The following ROR1 variants were observed in gnomAD, a reference collection of about 807,000 sequenced individuals.
ROR1 encodes ROR family WNT receptor 1, also known as inactive tyrosine-protein kinase transmembrane receptor ROR1.
ROR1 carries 19 observed loss-of-function variants against 78.8 expected under a neutral mutation model. That is an observed-to-expected ratio of 0.24 (90% CI 0.17 to 0.35). ROR1 has a LOEUF of 0.35. Among genes scored for constraint, ROR1 ranks in the 10% least tolerant of loss-of-function variants. The pLI is 1.00. For synonymous variants in ROR1, 386 were observed against 433.6 expected, an observed-to-expected ratio of 0.89 and a Z score of 1.36; for missense variants, 917 against 1,177.8, an observed-to-expected ratio of 0.78 and a Z score of 3.24.
At chr1:63,796,824 G>A (rs375914593) in intron 1 of ROR1, among the ~76,000 whole-genome samples, 7 of 152,276 alleles carry the variant, frequency 4.6e-5, no homozygotes, top group East Asian at 3.9e-4. Flanking sequence ...GCAATGCACC[G>A]AGCCCTGAGC....
chr1:64,017,409 A>G (rs1646529834), intron 2 of ROR1, among the ~76,000 whole-genome samples: 1 of 152,048 alleles, frequency 6.6e-6, no homozygotes, highest in African/African-American at 2.4e-5. Flanking sequence ...CCTTTTTGAC[A>G]AGTCTATTCA....
rs1650513847 is a variant in ROR1 at position 64,180,251 on chromosome 1, T to C, written c.*1396T>C. Reference sequence around the variant, plus strand: ...TCTATATAGAAAGTAATTTTACTTTTGATTTTTCTCTTGTTAAAAAAAAAC... The same window carrying C: ...TCTATATAGAAAGTAATTTTACTTTCGATTTTTCTCTTGTTAAAAAAAAAC... On this transcript the variant is annotated 3_prime_UTR_variant, in exon 9 of 9. Coordinates refer to ENST00000371079, the MANE Select transcript of ROR1 (RefSeq NM_005012.4). The C allele has an allele frequency of 1.3e-5, 2 of 152,188 alleles. No homozygotes were observed. Among genetic ancestry groups the C allele is most frequent in the South Asian group, 4.1e-4 (2 of 4,828 alleles). 9.4% of individuals were successfully genotyped at this position (152,188 alleles called of 1,614,324 possible). A position where few individuals can be genotyped will look rare whatever the true frequency, so the allele number is the denominator to read the frequency against.
At chr1:63,783,927 C>A (rs649803) in intron 1 of ROR1, among the ~76,000 whole-genome samples, 1,803 of 152,264 alleles carry the variant, frequency 0.012, 39 homozygotes, top group African/African-American at 0.04. Flanking sequence ...AAGTAAGTAA[C>A]CTGCCCAAGA....
intron 1 of ROR1, among the ~76,000 whole-genome samples, chr1:63,951,361 A>C (rs866792733): frequency 6.6e-6 from 1 of 152,214 alleles, no homozygotes; most frequent in South Asian, 2.1e-4. Context: ...TTAAGAGCTG[A>C]CGTTCTTGTG....
intron 1 of ROR1, among the ~76,000 whole-genome samples, chr1:63,951,505 C>T (rs992280388): frequency 2.6e-5 from 4 of 152,102 alleles, no homozygotes; most frequent in African/African-American, 4.8e-5. Context: ...CAACTTTGAA[C>T]GGAGGCCTGG....
chr1:64,051,787 G>T (rs558148740), intron 4 of ROR1, among the ~76,000 whole-genome samples: 1 of 152,178 alleles, frequency 6.6e-6, no homozygotes, highest in African/African-American at 2.4e-5. Context: ...TCAATACTCT[G>T]TAGACTTTTG....
intron 4 of ROR1, among the ~76,000 whole-genome samples, chr1:64,100,086 C>A (rs1291487799): frequency 6.6e-6 from 1 of 151,864 alleles, no homozygotes; most frequent in East Asian, 1.9e-4. Flanking sequence ...AGCTAACTGG[C>A]TATTTTAAAA....
chr1:64,083,536 T>TGTGTGTGTGTGTGTGTGTGTGTGTGTC (rs139973518), intron 4 of ROR1, among the ~76,000 whole-genome samples: 2,413 of 150,754 alleles, frequency 0.016, 67 homozygotes, highest in African/African-American at 0.048. Flanking sequence ...AGTGTGTGTG[T>TGTGTGTGTGTGTGTGTGTGTGTGTGTC]TTTAGGAACA....
intron 2 of ROR1, chr1:64,028,847 A>C (rs912745539): frequency 6.6e-6 from 1 of 152,188 alleles, no homozygotes; most frequent in East Asian, 1.9e-4. Flanking sequence ...ATTATTGCCT[A>C]TAATACCCCT....
chr1:63,922,111 T>C (rs1030820055), intron 1 of ROR1, among the ~76,000 whole-genome samples: 1 of 152,172 alleles, frequency 6.6e-6, no homozygotes, highest in East Asian at 1.9e-4. Context: ...TAGAAACCCC[T>C]AGACTATCAC....
At chr1:63,869,252 T>C (rs893533398) in intron 1 of ROR1, among the ~76,000 whole-genome samples, 7 of 152,234 alleles carry the variant, frequency 4.6e-5, no homozygotes, top group Admixed American at 3.9e-4. Context: ...TTATGGCAGT[T>C]GTTACTATTA....
intron 4 of ROR1, among the ~76,000 whole-genome samples, chr1:64,069,515 A>AATGTGTGT (rs1646984842): frequency 8.4e-6 from 1 of 118,392 alleles, no homozygotes; most frequent in African/African-American, 4.8e-5. Flanking sequence ...TCTTGGGTTA[A>AATGTGTGT]ATGTGTGTGT....
Position 63,774,425 on chromosome 1 carries a change from G to T in ROR1, c.8G>T (p.Arg3Leu). Reference sequence around the variant, plus strand: ...GCCTCAGCGAGAGGAGGAATGCACCGGCCGCGCCGCCGCGGGACGCGCCCG... The same window carrying T: ...GCCTCAGCGAGAGGAGGAATGCACCTGCCGCGCCGCCGCGGGACGCGCCCG... MHRPRRRGTRPPL... is the reference protein window; with the variant it reads MHLPRRRGTRPPL... Residue 3 changes from arginine (R) to leucine (L), a missense_variant, in exon 1 of 9, where the codon CGG becomes CTG. Transcript: ENST00000371079. The surrounding 1 kb of genome is among the most constrained non-coding windows in gnomAD (Gnocchi z 5.7). 8.5e-7 allele frequency: 1 copy of T among 1,179,620 alleles called. No individual in the cohort carries two copies. Among genetic ancestry groups the T allele is most frequent in the South Asian group, 3.9e-5 (1 of 25,906 alleles). 73.1% of individuals were successfully genotyped at this position (1,179,620 alleles called of 1,614,324 possible).
At chr1:63,803,684 A>G (rs577131088) in intron 1 of ROR1, among the ~76,000 whole-genome samples, 16 of 152,330 alleles carry the variant, frequency 1.1e-4, no homozygotes, top group Middle Eastern at 3.4e-3. Context: ...TAACCCAGCC[A>G]TTGTACTCCT....
chr1:64,006,579 T>C (rs928416541), intron 1 of ROR1, among the ~76,000 whole-genome samples: 2 of 152,230 alleles, frequency 1.3e-5, no homozygotes, highest in Admixed American at 1.3e-4. Context: ...CACTGTGGCT[T>C]TGTAGTAAGC....
intron 1 of ROR1, among the ~76,000 whole-genome samples, chr1:63,793,229 T>C (rs1276041388): frequency 6.6e-6 from 1 of 152,244 alleles, no homozygotes; most frequent in African/African-American, 2.4e-5. Flanking sequence ...AACTTCATAA[T>C]TGATGGTGAG....
At chr1:63,919,306 C>G (rs1033171403) in intron 1 of ROR1, among the ~76,000 whole-genome samples, 1 of 151,668 alleles carries the variant, frequency 6.6e-6, no homozygotes, top group Non-Finnish European at 1.5e-5. Context: ...CCGATGAATG[C>G]CCTCTTTCTT....
intron 4 of ROR1, among the ~76,000 whole-genome samples, chr1:64,131,247 G>A (rs1363451043): frequency 6.6e-6 from 1 of 152,080 alleles, no homozygotes; most frequent in Non-Finnish European, 1.5e-5. Flanking sequence ...GAAAGGGGCT[G>A]GGGGGATAAA....
At chr1:63,838,115 T>C (rs1645029276) in intron 1 of ROR1, among the ~76,000 whole-genome samples, 1 of 152,150 alleles carries the variant, frequency 6.6e-6, no homozygotes, top group South Asian at 2.1e-4. Flanking sequence ...GCAGTATACC[T>C]AATTGTATAA....
Sources: gnomAD v4.1 joint callset for allele counts (sites outside exome capture counted in the v4.1 genomes callset) on GRCh38, gnomAD v4.1.1 for gene constraint, Gnocchi (gnomAD v3.1) non-coding constraint, MANE v1.5 for transcripts, NCBI Gene and HGNC (gene_info 2026-07-23, HGNC 2026-07-21) for gene names.